LRP1B: variants seen among roughly 807,000 people sequenced by gnomAD.
The protein encoded by LRP1B is LDL receptor related protein 1B.
A neutral mutation model predicts 556.6 loss-of-function variants in LRP1B; 217 were observed. The observed-to-expected ratio is 0.39, with a 90% CI of 0.35 to 0.44. The LOEUF (loss-of-function observed/expected upper bound fraction) is 0.44, where lower values mean the gene tolerates loss of function less well. Among genes scored for constraint, LRP1B ranks in the 20% least tolerant of loss-of-function variants. The pLI is 1.00. For synonymous variants in LRP1B, 2,047 were observed against 1,865.8 expected, an observed-to-expected ratio of 1.10 and a Z score of -2.50; for missense variants, 5,053 against 5,620.8, an observed-to-expected ratio of 0.90 and a Z score of 3.23.
intron 2 of LRP1B, among the ~76,000 whole-genome samples, chr2:141,724,905 A>G (rs1692971555): frequency 1.3e-5 from 2 of 152,112 alleles, no homozygotes; most frequent in Non-Finnish European, 1.5e-5. Context: ...ATTAAAATCT[A>G]AAACTTACTA....
At chr2:141,321,757 C>A (rs1485618890) in intron 3 of LRP1B, among the ~76,000 whole-genome samples, 1 of 151,890 alleles carries the variant, frequency 6.6e-6, no homozygotes, top group Non-Finnish European at 1.5e-5. Flanking sequence ...CTTTTATGAT[C>A]CAGATAATAT....
At chr2:142,056,025 C>A (rs1377369200) in intron 1 of LRP1B, among the ~76,000 whole-genome samples, 1 of 152,076 alleles carries the variant, frequency 6.6e-6, no homozygotes, top group African/African-American at 2.4e-5. Context: ...GTATCGCATG[C>A]CTGTAATCCC....
At chr2:141,325,409 T>C (rs1326440015) in intron 3 of LRP1B, among the ~76,000 whole-genome samples, 2 of 152,124 alleles carry the variant, frequency 1.3e-5, no homozygotes, top group African/African-American at 2.4e-5. Context: ...AAAACTTTTA[T>C]GAAACAAGAT....
At chr2:142,024,485 G>A (rs1324052997) in intron 1 of LRP1B, among the ~76,000 whole-genome samples, 1 of 152,050 alleles carries the variant, frequency 6.6e-6, no homozygotes, top group African/African-American at 2.4e-5. Context: ...GAGGCTGTTG[G>A]TCCAGGGATT....
chr2:141,180,598 T>A (rs2105170597), intron 7 of LRP1B, among the ~76,000 whole-genome samples: 1 of 152,020 alleles, frequency 6.6e-6, no homozygotes, highest in Non-Finnish European at 1.5e-5. Context: ...TGCTATCAGT[T>A]TCCTAAACTA....
chr2:140,368,285 T>A (rs186711760), intron 71 of LRP1B, among the ~76,000 whole-genome samples: 275 of 151,972 alleles, frequency 1.8e-3, no homozygotes, highest in Non-Finnish European at 3.7e-3. Flanking sequence ...CAATAATACA[T>A]CTAAATTATA....
At chr2:141,115,538 G>A (rs1375373896) in intron 7 of LRP1B, among the ~76,000 whole-genome samples, 1 of 143,100 alleles carries the variant, frequency 7.0e-6, no homozygotes, top group Admixed American at 7.4e-5. Context: ...CTCATTGCAA[G>A]CTCCGCCTCC....
intron 32 of LRP1B, among the ~76,000 whole-genome samples, chr2:140,789,136 G>A (rs538642607): frequency 6.6e-6 from 1 of 152,260 alleles, no homozygotes; most frequent in East Asian, 1.9e-4. Context: ...ATTCAGGGCA[G>A]GATAAAGTAC....
chr2:140,490,935 C>A (rs1391957157), intron 57 of LRP1B, among the ~76,000 whole-genome samples: 2 of 151,974 alleles, frequency 1.3e-5, no homozygotes, highest in Non-Finnish European at 2.9e-5. Context: ...GAAACTCATC[C>A]CCACTTAGGT....
chr2:141,261,956 C>G (rs1340068804), intron 3 of LRP1B, among the ~76,000 whole-genome samples: 1 of 151,940 alleles, frequency 6.6e-6, no homozygotes, highest in Non-Finnish European at 1.5e-5. Flanking sequence ...AATAAATTAC[C>G]AAACTATTTT....
chr2:140,670,530 G>T (rs1434799173), intron 41 of LRP1B, among the ~76,000 whole-genome samples: 1 of 152,080 alleles, frequency 6.6e-6, no homozygotes, highest in Non-Finnish European at 1.5e-5. Flanking sequence ...AGGCAGTGAG[G>T]TCCCCAGATC....
At chr2:141,090,678 G>A (rs1183334813) in intron 7 of LRP1B, among the ~76,000 whole-genome samples, 1 of 152,156 alleles carries the variant, frequency 6.6e-6, no homozygotes, top group Non-Finnish European at 1.5e-5. Flanking sequence ...TGATCTACAT[G>A]TCCATGAGAA....
chr2:140,795,404 G>A (rs1690268284), intron 32 of LRP1B, among the ~76,000 whole-genome samples: 1 of 152,094 alleles, frequency 6.6e-6, no homozygotes, highest in South Asian at 2.1e-4. Context: ...TTTTTAAAAT[G>A]TGCACATAGT....
intron 1 of LRP1B, among the ~76,000 whole-genome samples, chr2:142,012,623 C>A (rs1482387693): frequency 6.6e-6 from 1 of 152,072 alleles, no homozygotes; most frequent in Non-Finnish European, 1.5e-5. Flanking sequence ...AAATTAGTGA[C>A]AAAACAGTAA....
chr2:140,900,472 A>G (rs73964740), intron 23 of LRP1B, among the ~76,000 whole-genome samples: 8,763 of 152,310 alleles, frequency 0.058, 260 homozygotes, highest in East Asian at 0.11. Flanking sequence ...GAAGAAATAT[A>G]GAATAAATGT....
chr2:140,323,167 TTGAAGAGCGAAC>T (rs1175970110), intron 81 of LRP1B, among the ~76,000 whole-genome samples: 2 of 151,990 alleles, frequency 1.3e-5, no homozygotes, highest in East Asian at 3.9e-4. Flanking sequence ...CAACAGCATC[TTGAAGAGCGAAC>T]TGATCATTAG....
chr2:141,953,405 A>G (rs1701164256), intron 1 of LRP1B, among the ~76,000 whole-genome samples: 1 of 152,088 alleles, frequency 6.6e-6, no homozygotes, highest in Non-Finnish European at 1.5e-5. Context: ...TTAAAACTCA[A>G]CTAAGGAAAG....
chr2:140,244,842 A>G lies in LRP1B; in HGVS notation c.13324+2244T>C, dbSNP rs74703570. Among the ~76,000 whole-genome samples, 1,099 of 151,390 alleles carry G rather than the reference A, an allele frequency of 7.3e-3. 57 individuals carry two copies. In the East Asian group the frequency reaches 0.13, roughly 18 times the overall value. ...AATGCAGATTTGAAAACACATTCCT[A>G]AAGTTTCATCGTTCTTATTGGGCAG... On this transcript the variant is annotated intron_variant, in intron 87 of 90. Coordinates refer to ENST00000389484, the MANE Select transcript of LRP1B (RefSeq NM_018557.3).
chr2:141,480,697 T>TA, intron 2 of LRP1B, 164 bp from the exon 3 acceptor site: 1 of 706,390 alleles, frequency 1.4e-6, no homozygotes, highest in East Asian at 2.7e-5. Context: ...CCTATGTGAT[T>TA]AAACACCTAA....
Sources: gnomAD v4.1 joint callset for allele counts (sites outside exome capture counted in the v4.1 genomes callset) on GRCh38, gnomAD v4.1.1 for gene constraint, MANE v1.5 for transcripts, NCBI Gene and HGNC (gene_info 2026-07-23, HGNC 2026-07-21) for gene names.